The following RASGRF2 variants were observed in gnomAD, a reference collection of about 807,000 sequenced individuals.
The protein encoded by RASGRF2 is Ras protein specific guanine nucleotide releasing factor 2, also known as ras-specific guanine nucleotide-releasing factor 2.
Under a neutral mutation model 151.0 loss-of-function variants are expected in RASGRF2, and 76 were observed. The observed-to-expected ratio is 0.50, with a 90% CI of 0.42 to 0.61. The LOEUF is 0.61. RASGRF2 is among the 20% of genes least tolerant of loss of function. The probability of loss-of-function intolerance (pLI) is 0.00; values close to 1 mark genes in which losing one functional copy is unlikely to be tolerated. For synonymous variants in RASGRF2, 504 were observed against 566.5 expected (o/e 0.89, Z 1.57); for missense variants, 1,148 against 1,564.6 (o/e 0.73, Z 4.49).
intron 17 of RASGRF2, among the ~76,000 whole-genome samples, chr5:81,168,207 C>G (rs1482741778): frequency 6.6e-6 from 1 of 151,968 alleles, no homozygotes; most frequent in Non-Finnish European, 1.5e-5. Context: ...CTTTTCACCT[C>G]CTTAAGAACT....
intron 17 of RASGRF2, among the ~76,000 whole-genome samples, chr5:81,164,458 A>C (rs1292293388): frequency 5.9e-5 from 6 of 102,064 alleles, no homozygotes; most frequent in Non-Finnish European, 3.9e-5. Context: ...CGTTTGATGA[A>C]AAAAAAAAAA....
intron 24 of RASGRF2, 59 bp downstream of exon 24, chr5:81,216,014 TA>T: frequency 7.3e-7 from 1 of 1,379,200 alleles, no homozygotes; most frequent in Non-Finnish European, 9.4e-7. Flanking sequence ...ACATAATGTA[TA>T]TAGTATACAA....
chr5:81,210,865 G>C (rs1240362717), intron 22 of RASGRF2, among the ~76,000 whole-genome samples: 1 of 152,106 alleles, frequency 6.6e-6, no homozygotes, highest in African/African-American at 2.4e-5. Context: ...TCAATGCAAG[G>C]CTGGAGACTG....
intron 18 of RASGRF2, among the ~76,000 whole-genome samples, chr5:81,180,707 TCC>T (rs2112676171): frequency 8.3e-6 from 1 of 120,040 alleles, no homozygotes; most frequent in East Asian, 2.8e-4. Flanking sequence ...AACCTCACGG[TCC>T]CCCCTGGAGG....
chr5:81,174,798 C>A (rs945438522), intron 17 of RASGRF2, among the ~76,000 whole-genome samples: 1 of 152,182 alleles, frequency 6.6e-6, no homozygotes, highest in African/African-American at 2.4e-5. Context: ...TCCCATTAGA[C>A]AAGTAAAGGT....
At chr5:80,975,922 C>G (rs982933089) in intron 1 of RASGRF2, among the ~76,000 whole-genome samples, 1 of 150,666 alleles carries the variant, frequency 6.6e-6, no homozygotes, top group Admixed American at 6.6e-5. Context: ...GGCACGATCT[C>G]CAACCTCCGC....
At chr5:81,185,312 AG>A (rs1561250080) in intron 18 of RASGRF2, among the ~76,000 whole-genome samples, 1 of 152,168 alleles carries the variant, frequency 6.6e-6, no homozygotes, top group East Asian at 1.9e-4. Flanking sequence ...GGCTGGGCAA[AG>A]TGAAGAGTGG....
At chr5:80,970,949 C>A (rs1197707571) in intron 1 of RASGRF2, among the ~76,000 whole-genome samples, 1 of 152,206 alleles carries the variant, frequency 6.6e-6, no homozygotes, top group African/African-American at 2.4e-5. Flanking sequence ...CAATAATACA[C>A]CATTTCTGTC....
Position 80,971,745 on chromosome 5 carries a change from A to AT in RASGRF2, c.288+10726dup, listed in dbSNP as rs969168803. On this transcript the variant is annotated intron_variant, in intron 1 of 26. Coordinates refer to ENST00000265080, the MANE Select transcript of RASGRF2 (RefSeq NM_006909.3). ...CATGCCTGGCTAATTTTTTTTTTGT[A>AT]TTTTTTTAGAGACAGGCTTTCGCCA... Among the ~76,000 whole-genome samples, 9 of 150,138 alleles carry AT rather than the reference A, an allele frequency of 6.0e-5. No individual in the cohort carries two copies. The South Asian group carries it at 1.1e-3, about 18-fold the overall frequency.
rs145608723 is a variant in RASGRF2, at chr5:81,216,609, T to A, written c.3434+654T>A. Among the ~76,000 whole-genome samples, 265 of 152,350 alleles carry A rather than the reference T, an allele frequency of 1.7e-3. 2 individuals carry two copies. The highest frequency in any genetic ancestry group is 6.2e-3 in the African/African-American group (257 of 41,576). On this transcript the variant is annotated intron_variant, in intron 24 of 26. Transcript: ENST00000265080. Reference sequence around the variant, plus strand: ...ACTAAATGACAGGTTTCATGCTAAGTGCTTGATGTGTCTTATGTAAGCCTC... The same window carrying A: ...ACTAAATGACAGGTTTCATGCTAAGAGCTTGATGTGTCTTATGTAAGCCTC...
chr5:81,194,727 G>T (rs1055671012), intron 18 of RASGRF2, among the ~76,000 whole-genome samples: 2 of 152,188 alleles, frequency 1.3e-5, no homozygotes, highest in Admixed American at 6.5e-5. Context: ...CTAAGGGTCA[G>T]TAGGGCGTCC....
intron 17 of RASGRF2, among the ~76,000 whole-genome samples, chr5:81,169,650 A>G (rs1437483470): frequency 6.6e-6 from 1 of 152,190 alleles, no homozygotes; most frequent in Admixed American, 6.5e-5. Flanking sequence ...AAATAAAGTA[A>G]CCTTCACAGG....
At chr5:80,987,620 C>A (rs1748514270) in intron 1 of RASGRF2, among the ~76,000 whole-genome samples, 1 of 152,160 alleles carries the variant, frequency 6.6e-6, no homozygotes, top group Non-Finnish European at 1.5e-5. Flanking sequence ...AGGGAGCTGG[C>A]TTCCACTTAA....
intron 10 of RASGRF2, 29 bp from the exon 11 acceptor site, chr5:81,094,267 G>T: frequency 6.3e-7 from 1 of 1,586,930 alleles, no homozygotes; most frequent in Non-Finnish European, 8.6e-7. Flanking sequence ...GACCTTCAGC[G>T]TCTTAGTGAA....
chr5:81,043,508 A>T (rs888376389), intron 2 of RASGRF2, among the ~76,000 whole-genome samples: 1 of 152,200 alleles, frequency 6.6e-6, no homozygotes, highest in African/African-American at 2.4e-5. Flanking sequence ...GAAATAGAAC[A>T]CTGTGATTTC....
At chr5:80,995,688 C>CCCA (rs1748826249) in intron 1 of RASGRF2, among the ~76,000 whole-genome samples, 6 of 127,596 alleles carry the variant, frequency 4.7e-5, no homozygotes, top group African/African-American at 1.8e-4. Flanking sequence ...TTTCCTTCCC[C>CCCA]CCCCCTTTTT....
intron 14 of RASGRF2, chr5:81,113,305 T>C (rs1473459412): frequency 1.5e-5 from 9 of 586,692 alleles, no homozygotes; most frequent in Non-Finnish European, 2.7e-5. Flanking sequence ...GAGATCTCAA[T>C]GCTGCTGTTT....
intron 18 of RASGRF2, among the ~76,000 whole-genome samples, chr5:81,198,696 C>G (rs1755323734): frequency 6.6e-6 from 1 of 152,232 alleles, no homozygotes; most frequent in Non-Finnish European, 1.5e-5. Flanking sequence ...GCCTCAGCCT[C>G]CCAAAATGCT....
intron 2 of RASGRF2, among the ~76,000 whole-genome samples, chr5:81,051,356 T>A (rs1191985229): frequency 6.6e-6 from 1 of 152,170 alleles, no homozygotes; most frequent in African/African-American, 2.4e-5. Context: ...ACCATGAAGT[T>A]TATCATTTTA....
Sources: allele counts gnomAD v4.1 joint callset (sites outside exome capture counted in the v4.1 genomes callset), GRCh38; gene constraint gnomAD v4.1.1; transcripts MANE v1.5; gene names NCBI Gene and HGNC (gene_info 2026-07-23, HGNC 2026-07-21).